RAB30: variants seen among roughly 807,000 people sequenced by gnomAD.
The protein encoded by RAB30 is ras-related protein Rab-30.
Under a neutral mutation model 25.1 loss-of-function variants are expected in RAB30, and 9 were observed. The ratio of observed to expected loss-of-function variants is 0.36; its 90% CI spans 0.22 to 0.63. RAB30 has a LOEUF of 0.63. RAB30 is among the 20% of genes least tolerant of loss of function. RAB30 has a pLI of 0.69. For synonymous variants in RAB30, 77 were observed against 86.4 expected (o/e 0.89, Z 0.60); for missense variants, 140 against 243.5 (o/e 0.58, Z 2.83).
intron 1 of RAB30, among the ~76,000 whole-genome samples, chr11:83,058,834 G>A (rs1858506980): frequency 6.6e-6 from 1 of 152,212 alleles, no homozygotes; most frequent in Admixed American, 6.5e-5. Context: ...AGATCGTGTA[G>A]CATGAAAATG....
chr11:83,033,152 C>T (rs1236794083), intron 1 of RAB30, among the ~76,000 whole-genome samples: 1 of 144,764 alleles, frequency 6.9e-6, no homozygotes, highest in Non-Finnish European at 1.5e-5. Flanking sequence ...ACAACCTCTG[C>T]TTTCCGGGTT....
intron 2 of RAB30, among the ~76,000 whole-genome samples, 154 bp downstream of exon 2, chr11:82,997,070 A>G (rs1185371583): frequency 6.6e-6 from 1 of 152,146 alleles, no homozygotes; most frequent in Non-Finnish European, 1.5e-5. Flanking sequence ...CTTGGCTACA[A>G]AGCAGATGCA....
At chr11:83,042,411 G>T (rs1218897716) in intron 1 of RAB30, among the ~76,000 whole-genome samples, 1 of 152,000 alleles carries the variant, frequency 6.6e-6, no homozygotes, top group Non-Finnish European at 1.5e-5. Context: ...CAAAAAATTA[G>T]CTGGGTGTGG....
rs1857419084 is a variant in RAB30 at position 83,015,637 on chromosome 11, C to A, written c.-8-18313G>T. 2.0e-5 allele frequency among the ~76,000 whole-genome samples: 3 copies of A among 152,080 alleles called. No homozygotes were observed. The South Asian group carries it at 6.2e-4, about 32-fold the overall frequency. On this transcript the variant is annotated intron_variant, in intron 1 of 4. Coordinates refer to ENST00000527633, the MANE Select transcript of RAB30 (RefSeq NM_001286060.2). ...ACTAGCAAATGGATGTTATTTAAAG[C>A]CATTGAATTATCAGAGGATATCTAT...
intron 1 of RAB30, among the ~76,000 whole-genome samples, chr11:83,032,358 G>A (rs1210059245): frequency 2.0e-5 from 3 of 152,182 alleles, no homozygotes; most frequent in Admixed American, 1.3e-4. Context: ...GTAAGAGAAC[G>A]ATGAACACAA....
chr11:83,068,167 G>A (rs1336137428), intron 1 of RAB30, among the ~76,000 whole-genome samples: 1 of 151,064 alleles, frequency 6.6e-6, no homozygotes, highest in Non-Finnish European at 1.5e-5. Context: ...GCATGGTGGC[G>A]GGCACCTGTA....
At chr11:83,067,936 T>C (rs1189549184) in intron 1 of RAB30, among the ~76,000 whole-genome samples, 1 of 151,908 alleles carries the variant, frequency 6.6e-6, no homozygotes, top group Non-Finnish European at 1.5e-5. Flanking sequence ...GAGATCAGCC[T>C]GGCCAGCATG....
chr11:83,063,592 AG>A (rs1858631008), intron 1 of RAB30, among the ~76,000 whole-genome samples: 1 of 152,184 alleles, frequency 6.6e-6, no homozygotes, highest in Non-Finnish European at 1.5e-5. Context: ...AAAAACCAGC[AG>A]GAACTCCGTA....
At position 82,982,165 on chromosome 11, in the gene RAB30, T is replaced by A. The variant is rs760399692; in HGVS notation, c.612A>T (p.Ter204TyrextTer35). The A allele has an allele frequency of 5.0e-6, 8 of 1,614,018 alleles. No individual in the cohort carries two copies. Among genetic ancestry groups the A allele is most frequent in the Non-Finnish European group, 6.8e-6 (8 of 1,179,982 alleles). Residue 204 changes from the stop codon to tyrosine (Y), a stop_lost, in exon 5 of 5, where the codon TAA becomes TAT. Transcript: ENST00000527633. ...CCTTTTCTTCTCCGTGCCTCAGCCTTTAGTTGAAATTACAACAAGTCAAAT... is the reference window on the plus strand; with the variant it reads ...CCTTTTCTTCTCCGTGCCTCAGCCTATAGTTGAAATTACAACAAGTCAAAT... Reference protein sequence around the residue: ...ISYLTCCNFN* With the variant: ...ISYLTCCNFNY
At chr11:83,007,352 AAAAATG>A (rs2121485235) in intron 1 of RAB30, among the ~76,000 whole-genome samples, 1 of 152,384 alleles carries the variant, frequency 6.6e-6, no homozygotes, top group South Asian at 2.1e-4. Flanking sequence ...TGCAAAAAGT[AAAAATG>A]AAAATGAAAA....
At chr11:83,035,080 A>G (rs1042739748) in intron 1 of RAB30, among the ~76,000 whole-genome samples, 6 of 151,392 alleles carry the variant, frequency 4.0e-5, no homozygotes, top group African/African-American at 9.7e-5. Context: ...CAGCAACTAG[A>G]TAAGATACAG....
At chr11:83,031,452 T>C (rs931655177) in intron 1 of RAB30, among the ~76,000 whole-genome samples, 5 of 152,164 alleles carry the variant, frequency 3.3e-5, no homozygotes, top group Non-Finnish European at 5.9e-5. Flanking sequence ...TAAAGTTAGC[T>C]CTAGAGACTT....
chr11:83,059,761 A>G lies in RAB30; in HGVS notation c.-9+11930T>C, dbSNP rs181296008. 1.8e-4 allele frequency among the ~76,000 whole-genome samples: 28 copies of G among 152,364 alleles called. 1 individual carries two copies. In the East Asian group the frequency reaches 4.8e-3, roughly 26 times the overall value. ...TCAGATTGCTTTTGGGGCCAAATAA[A>G]TAAGATAGGCTCACAATAGCTACAT... On this transcript the variant is annotated intron_variant, in intron 1 of 4. Transcript: ENST00000527633.
At chr11:82,984,204 C>CTATCTAA (rs1856695068) in intron 4 of RAB30, among the ~76,000 whole-genome samples, 1 of 152,176 alleles carries the variant, frequency 6.6e-6, no homozygotes, top group African/African-American at 2.4e-5. Context: ...CCTGGGAATT[C>CTATCTAA]TATCTAAGAA....
chr11:83,053,503 G>A (rs1263771070), intron 1 of RAB30, among the ~76,000 whole-genome samples: 1 of 151,862 alleles, frequency 6.6e-6, no homozygotes, highest in Non-Finnish European at 1.5e-5. Flanking sequence ...CCAGTGTCTT[G>A]GCAATTTCAC....
chr11:83,027,322 GA>G (rs1857745629), intron 1 of RAB30, among the ~76,000 whole-genome samples: 1 of 152,120 alleles, frequency 6.6e-6, no homozygotes, highest in East Asian at 1.9e-4. Flanking sequence ...ATCCAGCGTG[GA>G]TGAGGGGGAA....
chr11:83,024,227 T>G (rs1205713711), intron 1 of RAB30, among the ~76,000 whole-genome samples: 2 of 152,224 alleles, frequency 1.3e-5, no homozygotes, highest in African/African-American at 2.4e-5. Flanking sequence ...TTCAGCACAT[T>G]TGATTTATAA....
chr11:83,024,234 A>G (rs1857656182), intron 1 of RAB30, among the ~76,000 whole-genome samples: 1 of 152,216 alleles, frequency 6.6e-6, no homozygotes, highest in Non-Finnish European at 1.5e-5. Context: ...CATTTGATTT[A>G]TAAGGTCAGC....
At chr11:83,018,039 G>A (rs1183207113) in intron 1 of RAB30, among the ~76,000 whole-genome samples, 41 of 152,174 alleles carry the variant, frequency 2.7e-4, no homozygotes, top group Admixed American at 2.7e-3. Context: ...GGTGGCTCAC[G>A]CCTGTAATCC....
Sources: allele counts gnomAD v4.1 joint callset (sites outside exome capture counted in the v4.1 genomes callset), GRCh38; gene constraint gnomAD v4.1.1; transcripts MANE v1.5; gene names NCBI Gene and HGNC (gene_info 2026-07-23, HGNC 2026-07-21).